The following VIT variants were observed in gnomAD, a reference collection of about 807,000 sequenced individuals.
VIT encodes the protein vitrin.
A neutral mutation model predicts 78.0 loss-of-function variants in VIT; 99 were observed. The ratio of observed to expected loss-of-function variants is 1.27; its 90% CI spans 1.08 to 1.50. The LOEUF is 1.50. VIT is among the 40% of genes most tolerant of loss of function. The probability of loss-of-function intolerance (pLI) is 0.00; values close to 1 mark genes in which losing one functional copy is unlikely to be tolerated. For missense variants in VIT, 1,126 were observed against 875.3 expected (o/e 1.29, Z -3.61); for synonymous variants, 374 against 334.3 (o/e 1.12, Z -1.29).
intron 5 of VIT, among the ~76,000 whole-genome samples, chr2:36,757,975 G>A (rs761466218): frequency 6.0e-4 from 91 of 152,128 alleles, no homozygotes; most frequent in Non-Finnish European, 7.5e-4. Flanking sequence ...TGTGCCAGCA[G>A]GATGGTTGGC....
rs142956581 is a variant in VIT, at chr2:36,739,793, G to C, written c.119-3307G>C. Among the ~76,000 whole-genome samples, 192 of 152,326 alleles carry C rather than the reference G, an allele frequency of 1.3e-3. 1 individual carries two copies. The highest frequency in any genetic ancestry group is 2.2e-3 in the Non-Finnish European group (152 of 68,034). On this transcript the variant is annotated intron_variant, in intron 3 of 15. Transcript: ENST00000379242. The stretch of plus-strand genomic sequence containing the variant: ...AAGCGGAGCAGGTGGCCAAGCAACA[G>C]GTTTCTGTGCAAAGGTGCCACTCAA...
At chr2:36,730,795 G>A (rs1667154935) in intron 3 of VIT, among the ~76,000 whole-genome samples, 1 of 152,202 alleles carries the variant, frequency 6.6e-6, no homozygotes, top group Non-Finnish European at 1.5e-5. Flanking sequence ...GGGACATGAG[G>A]GGTGGTTCCC....
At chr2:36,775,288 TC>T (rs1034716982) in intron 9 of VIT, among the ~76,000 whole-genome samples, 19 of 152,210 alleles carry the variant, frequency 1.2e-4, no homozygotes, top group African/African-American at 4.6e-4. Context: ...AACGAAGACA[TC>T]CAAGGGCTGT....
At chr2:36,778,220 G>A (rs1327747564) in intron 9 of VIT, among the ~76,000 whole-genome samples, 2 of 152,214 alleles carry the variant, frequency 1.3e-5, no homozygotes, top group East Asian at 1.9e-4. Flanking sequence ...TTATGCTGCT[G>A]GGGCTTTTGC....
chr2:36,772,462 A>G (rs1669821090), intron 7 of VIT, among the ~76,000 whole-genome samples: 1 of 152,086 alleles, frequency 6.6e-6, no homozygotes, highest in Non-Finnish European at 1.5e-5. Flanking sequence ...TTGAACCTGG[A>G]AGGCGGAGGT....
At chr2:36,808,114 C>T (rs1329309109) in intron 14 of VIT, among the ~76,000 whole-genome samples, 1 of 152,190 alleles carries the variant, frequency 6.6e-6, no homozygotes, top group African/African-American at 2.4e-5. Flanking sequence ...TGCCATGGTA[C>T]CCACGAATTC....
intron 2 of VIT, among the ~76,000 whole-genome samples, chr2:36,721,859 C>A (rs770314596): frequency 6.6e-6 from 1 of 152,220 alleles, no homozygotes; most frequent in African/African-American, 2.4e-5. Flanking sequence ...CTAAGCACTT[C>A]CTTGGTGTCC....
At chr2:36,806,641 G>T (rs1666749770) in intron 14 of VIT, among the ~76,000 whole-genome samples, 1 of 152,158 alleles carries the variant, frequency 6.6e-6, no homozygotes, top group Non-Finnish European at 1.5e-5. Context: ...CCGCCTCCCA[G>T]CTTCAAGCAA....
At chr2:36,810,082 G>A (rs1189663018) in intron 15 of VIT, among the ~76,000 whole-genome samples, 2 of 151,060 alleles carry the variant, frequency 1.3e-5, no homozygotes, top group Non-Finnish European at 2.9e-5. Context: ...ACCCGAGGTT[G>A]GGAGTTCGAG....
intron 2 of VIT, among the ~76,000 whole-genome samples, chr2:36,717,346 G>A (rs946441231): frequency 8.9e-6 from 1 of 112,382 alleles, no homozygotes; most frequent in African/African-American, 4.0e-5. Flanking sequence ...GTGTGTGTGT[G>A]TGTGTGTGTG....
At chr2:36,785,564 A>G (rs972996846) in intron 11 of VIT, among the ~76,000 whole-genome samples, 1 of 152,132 alleles carries the variant, frequency 6.6e-6, no homozygotes, top group Non-Finnish European at 1.5e-5. Context: ...TCTCAAGATC[A>G]TGCTTGGGTA....
chr2:36,813,439 A>C (rs1208320381), intron 15 of VIT, among the ~76,000 whole-genome samples: 1 of 152,124 alleles, frequency 6.6e-6, no homozygotes, highest in East Asian at 1.9e-4. Context: ...ACAGAGTGAG[A>C]TTCTGTCTCA....
intron 9 of VIT, among the ~76,000 whole-genome samples, chr2:36,779,555 G>C (rs1664595486): frequency 6.6e-6 from 1 of 152,106 alleles, no homozygotes; most frequent in Non-Finnish European, 1.5e-5. Context: ...TTTCTATACA[G>C]ATCATCCGAT....
chr2:36,803,018 A>G lies in VIT; in HGVS notation c.1162+1614A>G, dbSNP rs1278281216. 5.3e-5 allele frequency among the ~76,000 whole-genome samples: 8 copies of G among 152,078 alleles called. No homozygotes were observed. In the East Asian group the frequency reaches 9.7e-4, roughly 18 times the overall value. On this transcript the variant is annotated intron_variant, in intron 13 of 15. Coordinates refer to ENST00000379242, the MANE Select transcript of VIT (RefSeq NM_053276.4). ...TCACTTTCTGAATTTTGCCATGGCA[A>G]CCTCTTCAGAAACCTGCTTTGTCCA...
chr2:36,802,307 C>T (rs1264286812), intron 13 of VIT, among the ~76,000 whole-genome samples: 2 of 152,082 alleles, frequency 1.3e-5, no homozygotes, highest in African/African-American at 4.8e-5. Context: ...GCTTTTTGGG[C>T]ACTGGAGGGA....
intron 6 of VIT, among the ~76,000 whole-genome samples, chr2:36,760,637 G>T (rs776556901): frequency 3.5e-4 from 53 of 152,160 alleles, no homozygotes; most frequent in Non-Finnish European, 6.6e-4. Context: ...CTGGCCCTGT[G>T]GCTCTGCAGA....
chr2:36,726,207 A>G (rs190510507), intron 2 of VIT, among the ~76,000 whole-genome samples: 1 of 152,322 alleles, frequency 6.6e-6, no homozygotes, highest in Non-Finnish European at 1.5e-5. Flanking sequence ...TACACTATTT[A>G]TATTAAATCA....
chr2:36,707,394 G>A (rs988077162), intron 1 of VIT, among the ~76,000 whole-genome samples: 9 of 152,124 alleles, frequency 5.9e-5, no homozygotes, highest in African/African-American at 2.2e-4. Flanking sequence ...TCCAACAAGA[G>A]AGGCACCCTC....
At chr2:36,705,413 T>A (rs1216115126) in intron 1 of VIT, among the ~76,000 whole-genome samples, 1 of 152,192 alleles carries the variant, frequency 6.6e-6, no homozygotes, top group East Asian at 1.9e-4. Context: ...GAAATCACCA[T>A]TGGTCGAAGC....
Sources: gnomAD v4.1 joint callset for allele counts (sites outside exome capture counted in the v4.1 genomes callset) on GRCh38, gnomAD v4.1.1 for gene constraint, MANE v1.5 for transcripts, NCBI Gene and HGNC (gene_info 2026-07-23, HGNC 2026-07-21) for gene names.